The following CZIB variants were observed in gnomAD, a reference collection of about 807,000 sequenced individuals.
CZIB encodes the protein CXXC motif containing zinc binding protein, also known as UPF0587 protein C1orf123.
CZIB carries 26 observed loss-of-function variants against 28.3 expected under a neutral mutation model. The observed-to-expected ratio is 0.92, with a 90% CI of 0.67 to 1.27. CZIB has a LOEUF of 1.27. CZIB is among the 50% of genes most tolerant of loss of function. The probability of loss-of-function intolerance (pLI) is 0.00; values close to 1 mark genes in which losing one functional copy is unlikely to be tolerated. For missense variants in CZIB, 179 were observed against 197.3 expected, an observed-to-expected ratio of 0.91 and a Z score of 0.56; for synonymous variants, 78 against 71.1, an observed-to-expected ratio of 1.10 and a Z score of -0.49.
In CZIB at chr1:53,220,326, T is replaced by C. The variant is rs1453685763; in HGVS notation, c.25A>G (p.Lys9Glu). The C allele has an allele frequency of 3.7e-6, 6 of 1,613,210 alleles. No homozygotes were observed. In the East Asian group the frequency reaches 6.7e-5, roughly 18 times the overall value. Residue 9 changes from lysine (K) to glutamate (E), a missense_variant, in exon 2 of 8, where the codon AAA becomes GAA. Lys to Glu is a moderately conservative substitution (Grantham distance 56). Transcript: ENST00000294360. MGKIALQL[K>E]ATLENITNLR... The stretch of plus-strand genomic sequence containing the variant: ...TTGGTGATGTTCTCCAGCGTGGCTT[T>C]GAGTTGCAGCGCGATTTTCTGAGGG...
At position 53,214,356 on chromosome 1, in the gene CZIB, G is replaced by A. The variant is rs1046944805; in HGVS notation, c.*303C>T. 9.3e-6 allele frequency: 3 copies of A among 321,356 alleles called. No individual in the cohort carries two copies. The highest frequency in any genetic ancestry group is 1.8e-5 in the Non-Finnish European group (3 of 171,116). 19.9% of individuals were successfully genotyped at this position (321,356 alleles called of 1,614,324 possible). On this transcript the variant is annotated 3_prime_UTR_variant, in exon 8 of 8. Coordinates refer to ENST00000294360, the MANE Select transcript of CZIB (RefSeq NM_017887.3). ...CATCTCTGTAAACTTGCCCTTGACT[G>A]GGGAGATACCATCTCCTTAAAAATA...
In CZIB at chr1:53,220,278, AG is replaced by A; in HGVS notation, c.72del (p.Phe25SerfsTer5). ...GGCCGCACCTTCAGGTACCACCGGAAGTCCTCGCCCACGGGCCGGAGGTTGG... is the reference window on the plus strand; with the variant it reads ...GGCCGCACCTTCAGGTACCACCGGAATCCTCGCCCACGGGCCGGAGGTTGG... ...NITNLRPVGE[D>X]FRWYLKMKCG... is the part of the protein sequence containing the mutation. On this transcript the variant is annotated frameshift_variant, in exon 2 of 8. Transcript: ENST00000294360. LOFTEE classifies it high-confidence loss of function. 1 of 1,613,534 alleles carries A rather than the reference AG, an allele frequency of 6.2e-7. No homozygotes were observed. The highest frequency in any genetic ancestry group is 8.5e-7 in the Non-Finnish European group (1 of 1,179,868).
In CZIB at chr1:53,220,309, G is replaced by C. The variant is rs199961343; in HGVS notation, c.42C>G (p.Asn14Lys). The C allele has an allele frequency of 6.2e-7, 1 of 1,613,628 alleles. No individual in the cohort carries two copies. Among genetic ancestry groups the C allele is most frequent in the African/African-American group, 1.3e-5 (1 of 75,060 alleles). The change falls in exon 2 of 8, where the codon AAC becomes AAG. Residue 14 changes from asparagine to lysine, a missense_variant. Transcript: ENST00000294360. Reference sequence around the variant, plus strand: ...CGCCCACGGGCCGGAGGTTGGTGATGTTCTCCAGCGTGGCTTTGAGTTGCA... The same window carrying C: ...CGCCCACGGGCCGGAGGTTGGTGATCTTCTCCAGCGTGGCTTTGAGTTGCA... ...IALQLKATLE[N>K]ITNLRPVGED...
rs765347462 is a variant in CZIB, at chr1:53,218,910, T to C, written c.104A>G (p.Asn35Ser). The change falls in exon 3 of 8, where the codon AAC becomes AGC. Residue 35 changes from asparagine to serine, a missense_variant. Transcript: ENST00000294360. ...CCACTTGTCCGAAATCTCACCACAG[T>C]TGCCACATTTCATCTTTGGGGAAAA... Reference protein sequence around the residue: ...FRWYLKMKCGNCGEISDKWQY... With the variant: ...FRWYLKMKCGSCGEISDKWQY... 6.8e-6 allele frequency: 11 copies of C among 1,613,886 alleles called. No individual in the cohort carries two copies. Among genetic ancestry groups the C allele is most frequent in the African/African-American group, 1.3e-5 (1 of 74,972 alleles).
chr1:53,219,210 G>T lies in CZIB; in HGVS notation c.91-287C>A, dbSNP rs190690820. On this transcript the variant is annotated intron_variant, in intron 2 of 7. Transcript: ENST00000294360. ...CAGAAATGGTTTCAGCGGAGGTGAG[G>T]GGGGGGAATATGGAGAGATTTGTTA... 489 of 425,664 alleles carry T rather than the reference G, an allele frequency of 1.1e-3. 4 individuals carry two copies. The highest frequency in any genetic ancestry group is 4.5e-3 in the Middle Eastern group (7 of 1,564). 26.4% of individuals were successfully genotyped at this position (425,664 alleles called of 1,614,324 possible). A position where few individuals can be genotyped will look rare whatever the true frequency, so the allele number is the denominator to read the frequency against.
intron 7 of CZIB, 142 bp downstream of exon 7, chr1:53,215,849 C>G: frequency 1.3e-6 from 1 of 777,494 alleles, no homozygotes; most frequent in Admixed American, 2.0e-5. Context: ...TAGCACTATA[C>G]CTGTGGCCAT....
rs778917944 is a variant in CZIB, at chr1:53,216,785, C to T, written c.336G>A (p.Pro112=). 2.8e-5 allele frequency: 45 copies of T among 1,613,688 alleles called. No individual in the cohort carries two copies. The highest frequency in any genetic ancestry group is 9.3e-5 in the African/African-American group (7 of 74,910). ...CCCCAGAAAGATACACACACACCTG[C>T]GGCTGGAAATCAACTGGTTCAAGGC... ...CRGLEPVDFQ[P]QAGFAAEGVE... is the part of the protein sequence containing the mutation. The change falls in exon 6 of 8, where the codon CCG becomes CCA. Residue 112 remains proline (P), a synonymous_variant. Coordinates refer to ENST00000294360, the MANE Select transcript of CZIB (RefSeq NM_017887.3).
chr1:53,220,308 T>G lies in CZIB; in HGVS notation c.43A>C (p.Ile15Leu), dbSNP rs760958950. 1 of 1,613,572 alleles carries G rather than the reference T, an allele frequency of 6.2e-7. No homozygotes were observed. Among genetic ancestry groups the G allele is most frequent in the Non-Finnish European group, 8.5e-7 (1 of 1,179,914 alleles). ...ALQLKATLEN[I>L]TNLRPVGEDF... ...TCGCCCACGGGCCGGAGGTTGGTGA[T>G]GTTCTCCAGCGTGGCTTTGAGTTGC... The change falls in exon 2 of 8, where the codon ATC (isoleucine) becomes CTC (leucine). Residue 15 changes from isoleucine to leucine, a missense_variant. Transcript: ENST00000294360.
In CZIB at chr1:53,220,327, G is replaced by C. The variant is rs757148501; in HGVS notation, c.24C>G (p.Leu8=). The C allele has an allele frequency of 7.4e-6, 12 of 1,613,232 alleles. No individual in the cohort carries two copies. Among genetic ancestry groups the C allele is most frequent in the Non-Finnish European group, 1.0e-5 (12 of 1,179,930 alleles). Residue 8 remains leucine (L), a synonymous_variant, in exon 2 of 8, where the codon CTC becomes CTG. Coordinates refer to ENST00000294360, the MANE Select transcript of CZIB (RefSeq NM_017887.3). The stretch of plus-strand genomic sequence containing the variant: ...TGGTGATGTTCTCCAGCGTGGCTTT[G>C]AGTTGCAGCGCGATTTTCTGAGGGG... MGKIALQ[L]KATLENITNL...
chr1:53,219,161 C>T (rs937109740), intron 2 of CZIB: 28 of 510,064 alleles, frequency 5.5e-5, no homozygotes, highest in Admixed American at 4.2e-4. Flanking sequence ...TCAGTGTGGC[C>T]GGGGATTCAA....
At chr1:53,219,100 T>C (rs563995047) in intron 2 of CZIB, 177 bp from the exon 3 acceptor site, 9 of 630,536 alleles carry the variant, frequency 1.4e-5, no homozygotes, top group Admixed American at 2.5e-5. Context: ...GGGCAAAGGA[T>C]AGGTAAGGCT....
At position 53,220,323 on chromosome 1, in the gene CZIB, CTT is replaced by C; in HGVS notation, c.26_27del (p.Lys9SerfsTer29). 2.5e-6 allele frequency: 4 copies of C among 1,613,438 alleles called. No homozygotes were observed. The highest frequency in any genetic ancestry group is 3.4e-6 in the Non-Finnish European group (4 of 1,179,942). The stretch of plus-strand genomic sequence containing the variant: ...AGGTTGGTGATGTTCTCCAGCGTGG[CTT>C]TGAGTTGCAGCGCGATTTTCTGAGG... MGKIALQL[K>X]ATLENITNLR... is the part of the protein sequence containing the mutation. On this transcript the variant is annotated frameshift_variant, in exon 2 of 8. Transcript: ENST00000294360. LOFTEE classifies it high-confidence loss of function.
intron 5 of CZIB, chr1:53,217,932 G>A (rs1350047211): frequency 7.4e-6 from 4 of 537,286 alleles, no homozygotes; most frequent in Non-Finnish European, 1.3e-5. Flanking sequence ...GAACAGCTAG[G>A]TTGTGTCAGA....
rs768205194 is a variant in CZIB at position 53,218,873 on chromosome 1, C to T, written c.141G>A (p.Arg47=). ...GEISDKWQYI[R]LMDSVALKGG... ...TTGGGCGGGGAACAGTTACCATCAG[C>T]CGGATGTACTGCCACTTGTCCGAAA... The change falls in exon 3 of 8, where the codon CGG becomes CGA. Residue 47 remains arginine (R), a synonymous_variant. Coordinates refer to ENST00000294360, the MANE Select transcript of CZIB (RefSeq NM_017887.3). 2 of 1,613,152 alleles carry T rather than the reference C, an allele frequency of 1.2e-6. No homozygotes were observed. Among genetic ancestry groups the T allele is most frequent in the South Asian group, 1.1e-5 (1 of 91,058 alleles).
At chr1:53,219,875 G>C (rs537621010) in intron 2 of CZIB, 127 of 207,688 alleles carry the variant, frequency 6.1e-4, no homozygotes, top group African/African-American at 2.5e-3. Context: ...AGCTTTACCA[G>C]TGTGGGAGGG....
At chr1:53,219,258 A>G (rs1645502227) in intron 2 of CZIB, 1 of 336,420 alleles carries the variant, frequency 3.0e-6, no homozygotes, top group Non-Finnish European at 5.6e-6. Context: ...TTACAGCTAT[A>G]TGGGAGGAAT....
At position 53,218,177 on chromosome 1, in the gene CZIB, A is replaced by G; in HGVS notation, c.256T>C (p.Tyr86His). 1 of 1,614,166 alleles carries G rather than the reference A, an allele frequency of 6.2e-7. No individual in the cohort carries two copies. Among genetic ancestry groups the G allele is most frequent in the Non-Finnish European group, 8.5e-7 (1 of 1,179,988 alleles). Residue 86 changes from tyrosine (Y) to histidine (H), a missense_variant, in exon 5 of 8, where the codon TAC becomes CAC. By Grantham distance (83) the Tyr-to-His change is moderately conservative (BLOSUM62 2). Transcript: ENST00000294360. Reference protein sequence around the residue: ...IEILSSTIKPYNAEDNENFKT... With the variant: ...IEILSSTIKPHNAEDNENFKT... ...CACTACAGCAGCAAACTTACATTGT[A>G]AGGCTTGATGGTGCTGCTTAAAATC...
In CZIB at chr1:53,214,425, T is replaced by A; in HGVS notation, c.*234A>T. 1 of 494,382 alleles carries A rather than the reference T, an allele frequency of 2.0e-6. No homozygotes were observed. Among genetic ancestry groups the A allele is most frequent in the Non-Finnish European group, 3.6e-6 (1 of 275,694 alleles). 30.6% of individuals were successfully genotyped at this position (494,382 alleles called of 1,614,324 possible). A position where few individuals can be genotyped will look rare whatever the true frequency, so the allele number is the denominator to read the frequency against. Reference sequence around the variant, plus strand: ...AGTGAACTGCTGCTGCACGAATTCTTATTTGTGGAGGGAGTAGCTGCCTCC... The same window carrying A: ...AGTGAACTGCTGCTGCACGAATTCTAATTTGTGGAGGGAGTAGCTGCCTCC... On this transcript the variant is annotated 3_prime_UTR_variant, in exon 8 of 8. Coordinates refer to ENST00000294360, the MANE Select transcript of CZIB (RefSeq NM_017887.3).
intron 7 of CZIB, 79 bp from the exon 8 acceptor site, chr1:53,214,815 G>T: frequency 2.6e-6 from 3 of 1,147,738 alleles, no homozygotes; most frequent in Non-Finnish European, 2.6e-6. Context: ...GACTTAAAAG[G>T]CCCAGCTCAG....
Sources: gnomAD v4.1 joint callset for allele counts on GRCh38, gnomAD v4.1.1 for gene constraint, MANE v1.5 for transcripts, NCBI Gene and HGNC (gene_info 2026-07-23, HGNC 2026-07-21) for gene names.